The following NUP214 variants were observed in gnomAD, a reference collection of about 807,000 sequenced individuals.
NUP214 encodes the protein nuclear pore complex protein Nup214.
Under a neutral mutation model 196.2 loss-of-function variants are expected in NUP214, and 79 were observed. The ratio of observed to expected loss-of-function variants is 0.40; its 90% CI spans 0.34 to 0.49. The LOEUF (loss-of-function observed/expected upper bound fraction) is 0.49. Among genes scored for constraint, NUP214 ranks in the 20% least tolerant of loss-of-function variants. The probability of loss-of-function intolerance (pLI) is 0.58; values close to 1 mark genes in which losing one functional copy is unlikely to be tolerated. For missense variants in NUP214, 2,468 were observed against 2,539.0 expected (o/e 0.97, Z 0.60); for synonymous variants, 1,020 against 990.5 (o/e 1.03, Z -0.56).
intron 30 of NUP214, among the ~76,000 whole-genome samples, chr9:131,204,338 C>T (rs971732084): frequency 2.0e-5 from 3 of 152,182 alleles, no homozygotes; most frequent in Non-Finnish European, 2.9e-5. Context: ...AATGATTAAA[C>T]TCAGGTGTAA....
intron 30 of NUP214, among the ~76,000 whole-genome samples, chr9:131,203,404 A>G (rs1189378468): frequency 6.6e-6 from 1 of 152,212 alleles, no homozygotes; most frequent in Admixed American, 6.5e-5. Flanking sequence ...GATCATTTAG[A>G]TCATAGTAAC....
rs1831839244 is a variant in NUP214 at position 131,139,317 on chromosome 9, C to T, written c.1042C>T (p.Arg348Ter). 6.5e-7 allele frequency: 1 copy of T among 1,528,908 alleles called. No individual in the cohort carries two copies. The highest frequency in any genetic ancestry group is 8.7e-7 in the Non-Finnish European group (1 of 1,143,532). The allele number at this position is 1,528,908 out of a possible 1,614,324, so 94.7% of individuals were successfully genotyped here. The change falls in exon 10 of 36, where the codon CGA (arginine) becomes TGA (stop). Residue 348 changes from arginine to a stop codon, truncating the protein, a stop_gained. Transcript: ENST00000359428. LOFTEE classifies it high-confidence loss of function. ...WESWLLEDSS[R>*]AELPVTDKSD... ...ATCTTGGCTACTGGAGGATTCTAGT[C>T]GAGCTGAATTGCCTGTGACAGACAA...
At chr9:131,205,743 G>A (rs1834058103) in intron 30 of NUP214, among the ~76,000 whole-genome samples, 1 of 152,154 alleles carries the variant, frequency 6.6e-6, no homozygotes, top group African/African-American at 2.4e-5. Context: ...TGCCCAGGCT[G>A]GAGTGTGGTG....
rs529723116 is a variant in NUP214, at chr9:131,164,211, G to A, written c.2893+67G>A. ...TGTGGTGGGGTGTGTGTGTGTGCGC[G>A]CGCACATGCACGTGTGCATGTGTGA... On this transcript the variant is annotated intron_variant, in intron 21 of 35. Coordinates refer to ENST00000359428, the MANE Select transcript of NUP214 (RefSeq NM_005085.4). 1.0e-4 allele frequency: 149 copies of A among 1,420,100 alleles called. No homozygotes were observed. The African/African-American group carries it at 1.5e-3, about 14-fold the overall frequency. 88.0% of individuals were successfully genotyped at this position (1,420,100 alleles called of 1,614,324 possible). A position where few individuals can be genotyped will look rare whatever the true frequency, so the allele number is the denominator to read the frequency against.
At chr9:131,187,683 G>C (rs551184675) in intron 25 of NUP214, among the ~76,000 whole-genome samples, 1 of 152,266 alleles carries the variant, frequency 6.6e-6, no homozygotes, top group South Asian at 2.1e-4. Flanking sequence ...CACCGTACCC[G>C]GCCTGAGTTT....
Position 131,144,304 on chromosome 9 carries a change from C to G in NUP214, c.1319C>G (p.Ser440Cys). The change falls in exon 12 of 36, where the codon TCC becomes TGC. Residue 440 changes from serine (S) to cysteine (C), a missense_variant. Physicochemically the swap from Ser to Cys is moderately radical, Grantham distance 112 (BLOSUM62 -1). Coordinates refer to ENST00000359428, the MANE Select transcript of NUP214 (RefSeq NM_005085.4). ...SPGSTPTTPT[S>C]SQAPQKLDAS... ...GGAAGTACTCCCACTACCCCAACCT[C>G]CTCTCAAGCCCCACAGAAACTGGAT... is the stretch of plus-strand genomic sequence containing the variant. The G allele has an allele frequency of 6.2e-7, 1 of 1,613,978 alleles. No individual in the cohort carries two copies. The highest frequency in any genetic ancestry group is 1.1e-5 in the South Asian group (1 of 91,062).
chr9:131,183,654 C>A (rs201468417), intron 24 of NUP214, among the ~76,000 whole-genome samples: 1 of 152,000 alleles, frequency 6.6e-6, no homozygotes. Context: ...CAGTTTTTTT[C>A]TTTCACTGAT....
At chr9:131,228,486 A>G in intron 33 of NUP214, 155 bp downstream of exon 33, 1 of 634,558 alleles carries the variant, frequency 1.6e-6, no homozygotes, top group Non-Finnish European at 2.5e-6. Context: ...GTACCTCTCC[A>G]GGGTAAGACT....
intron 30 of NUP214, among the ~76,000 whole-genome samples, chr9:131,207,989 G>A (rs973334046): frequency 4.1e-4 from 62 of 151,832 alleles, no homozygotes; most frequent in African/African-American, 1.4e-3. Context: ...AACTAATGAG[G>A]GAAATGAAAA....
At chr9:131,211,361 T>C (rs941477436) in intron 30 of NUP214, among the ~76,000 whole-genome samples, 1 of 152,344 alleles carries the variant, frequency 6.6e-6, no homozygotes, top group East Asian at 1.9e-4. Context: ...AGGCCACACA[T>C]TGAGATTGCT....
intron 32 of NUP214, among the ~76,000 whole-genome samples, chr9:131,224,836 G>A (rs141423702): frequency 4.6e-5 from 7 of 152,356 alleles, no homozygotes; most frequent in South Asian, 4.1e-4. Context: ...AAGGTGCATC[G>A]TGAACATTTC....
chr9:131,173,365 T>G (rs1365369863), intron 21 of NUP214, among the ~76,000 whole-genome samples: 1 of 143,652 alleles, frequency 7.0e-6, no homozygotes, highest in East Asian at 2.0e-4. Context: ...CTTTTTTTTT[T>G]TTTTTTTTTT....
intron 32 of NUP214, among the ~76,000 whole-genome samples, chr9:131,223,907 TG>T (rs1427939779): frequency 2.0e-5 from 3 of 150,062 alleles, no homozygotes; most frequent in Admixed American, 6.7e-5. Context: ...GCTAATTTTT[TG>T]TATTTTTAGT....
chr9:131,217,361 T>A (rs1332904504), intron 31 of NUP214, among the ~76,000 whole-genome samples: 3 of 152,228 alleles, frequency 2.0e-5, no homozygotes, highest in Non-Finnish European at 2.9e-5. Context: ...ATCTTAGAAA[T>A]CAAGTCTAGT....
At chr9:131,209,023 A>T (rs1834162079) in intron 30 of NUP214, among the ~76,000 whole-genome samples, 1 of 152,130 alleles carries the variant, frequency 6.6e-6, no homozygotes. Flanking sequence ...AAAAAAATAA[A>T]TAATAAAAAG....
rs71265048 is a variant in NUP214, at chr9:131,206,148, CT to C, written c.5592+4445del. Among the ~76,000 whole-genome samples the C allele has an allele frequency of 7.7e-4, 59 of 76,360 alleles. 3 individuals carry two copies. Among genetic ancestry groups the C allele is most frequent in the South Asian group, 3.4e-3 (6 of 1,768 alleles). The allele number at this position is 76,360 out of a possible 152,430, so 50.1% of individuals were successfully genotyped here. ...TCCACATAGAATTTTTTTCTTTTTT[CT>C]TTTTTTTTTTTTTGAGACAGGGTTT... On this transcript the variant is annotated intron_variant, in intron 30 of 35. Transcript: ENST00000359428.
chr9:131,169,034 G>GTTTTTTTTTTTTT (rs58054099), intron 21 of NUP214, among the ~76,000 whole-genome samples: 1 of 124,132 alleles, frequency 8.1e-6, no homozygotes, highest in Non-Finnish European at 1.6e-5. Context: ...GTTTTTTTTT[G>GTTTTTTTTTTTTT]TTTTTTTTTT....
chr9:131,197,189 C>A, intron 28 of NUP214, 27 bp from the exon 29 acceptor site: 4 of 1,605,980 alleles, frequency 2.5e-6, no homozygotes, highest in Non-Finnish European at 3.4e-6. Flanking sequence ...AAATCCAACC[C>A]ATTTTCTGAT....
intron 24 of NUP214, among the ~76,000 whole-genome samples, chr9:131,181,387 C>A (rs1231509554): frequency 1.3e-5 from 2 of 152,152 alleles, no homozygotes; most frequent in Non-Finnish European, 2.9e-5. Flanking sequence ...AGTGGAATCG[C>A]TGGATTACAT....
Sources: allele counts gnomAD v4.1 joint callset (sites outside exome capture counted in the v4.1 genomes callset), GRCh38; gene constraint gnomAD v4.1.1; transcripts MANE v1.5; gene names NCBI Gene and HGNC (gene_info 2026-07-23, HGNC 2026-07-21).